NLGN1: variants seen among roughly 807,000 people sequenced by gnomAD.
NLGN1 encodes the protein neuroligin-1.
Under a neutral mutation model 65.5 loss-of-function variants are expected in NLGN1, and 12 were observed. The ratio of observed to expected loss-of-function variants is 0.18; its 90% CI spans 0.12 to 0.30. The LOEUF is 0.30. Ranked by LOEUF, NLGN1 falls within the 10% of genes least tolerant of loss-of-function variation. NLGN1 has a pLI of 1.00. For synonymous variants in NLGN1, 350 were observed against 359.5 expected, an observed-to-expected ratio of 0.97 and a Z score of 0.30; for missense variants, 750 against 1,007.1, an observed-to-expected ratio of 0.74 and a Z score of 3.46.
intron 2 of NLGN1, among the ~76,000 whole-genome samples, chr3:173,468,714 A>G (rs573974595): frequency 3.9e-5 from 6 of 152,122 alleles, no homozygotes; most frequent in Admixed American, 1.3e-4. Flanking sequence ...AAAAGGAAAC[A>G]AAGAGTTCCT....
intron 4 of NLGN1, among the ~76,000 whole-genome samples, chr3:174,095,120 C>G (rs1176911712): frequency 1.3e-5 from 2 of 151,532 alleles, no homozygotes; most frequent in Non-Finnish European, 2.9e-5. Context: ...CATGATGTTT[C>G]TTTATAGTCA....
intron 3 of NLGN1, among the ~76,000 whole-genome samples, chr3:173,719,542 C>T (rs914679563): frequency 3.9e-4 from 60 of 152,252 alleles, no homozygotes; most frequent in African/African-American, 1.4e-3. Context: ...TTAGAGCCTA[C>T]TGGGAGAAGG....
chr3:174,260,579 A>ATATT (rs1219968181), intron 4 of NLGN1, among the ~76,000 whole-genome samples: 1 of 138,804 alleles, frequency 7.2e-6, no homozygotes, highest in African/African-American at 2.7e-5. Flanking sequence ...TAGATTCTGG[A>ATATT]TATTAGCCCT....
At chr3:174,001,938 C>A (rs944777340) in intron 4 of NLGN1, among the ~76,000 whole-genome samples, 5 of 151,364 alleles carry the variant, frequency 3.3e-5, no homozygotes, top group South Asian at 4.2e-4. Context: ...AGCTGCACTT[C>A]GGAAACTCTG....
chr3:174,133,382 A>G (rs1720572594), intron 4 of NLGN1, among the ~76,000 whole-genome samples: 1 of 152,174 alleles, frequency 6.6e-6, no homozygotes, highest in Non-Finnish European at 1.5e-5. Flanking sequence ...AACTCCTCCC[A>G]TTTAATCTTT....
chr3:173,726,320 C>A (rs895913170), intron 3 of NLGN1, among the ~76,000 whole-genome samples: 1 of 151,764 alleles, frequency 6.6e-6, no homozygotes, highest in South Asian at 2.1e-4. Context: ...AAGACATGAG[C>A]ACTATTCTTA....
intron 4 of NLGN1, among the ~76,000 whole-genome samples, chr3:174,103,188 A>G (rs1228534020): frequency 6.6e-6 from 1 of 152,174 alleles, no homozygotes; most frequent in Non-Finnish European, 1.5e-5. Flanking sequence ...TTCTACATAG[A>G]AGTTCCGTGT....
chr3:173,693,743 T>C (rs1167401417), intron 3 of NLGN1, among the ~76,000 whole-genome samples: 1 of 151,970 alleles, frequency 6.6e-6, no homozygotes, highest in Admixed American at 6.6e-5. Flanking sequence ...TTCAGAAGAA[T>C]GAAAAATAAA....
At chr3:173,406,929 G>A (rs1372430253) in intron 1 of NLGN1, among the ~76,000 whole-genome samples, 1 of 151,756 alleles carries the variant, frequency 6.6e-6, no homozygotes, top group South Asian at 2.1e-4. Context: ...TTTTTATTTT[G>A]GCTAGATATT....
intron 3 of NLGN1, among the ~76,000 whole-genome samples, chr3:173,790,504 G>C (rs766910880): frequency 2.6e-5 from 4 of 152,012 alleles, no homozygotes; most frequent in Non-Finnish European, 4.4e-5. Flanking sequence ...ATATTGAATT[G>C]TTACGAAAAT....
At chr3:174,086,187 G>A (rs1251787822) in intron 4 of NLGN1, among the ~76,000 whole-genome samples, 1 of 127,836 alleles carries the variant, frequency 7.8e-6, no homozygotes, top group Non-Finnish European at 1.6e-5. Context: ...ATATATATGT[G>A]TGTGTGTGTG....
intron 4 of NLGN1, among the ~76,000 whole-genome samples, chr3:174,194,187 G>T (rs572429166): frequency 2.6e-5 from 4 of 151,968 alleles, no homozygotes; most frequent in Non-Finnish European, 4.4e-5. Context: ...GGCCAGGCGC[G>T]GTGGCTCACA....
chr3:173,434,576 A>G (rs1341737369), intron 1 of NLGN1, among the ~76,000 whole-genome samples: 2 of 152,170 alleles, frequency 1.3e-5, no homozygotes, highest in African/African-American at 2.4e-5. Flanking sequence ...GTTGGAGACA[A>G]TTGCACTCTC....
chr3:174,188,962 T>G (rs1305881782), intron 4 of NLGN1, among the ~76,000 whole-genome samples: 2 of 152,002 alleles, frequency 1.3e-5, no homozygotes, highest in African/African-American at 2.4e-5. Flanking sequence ...TAGAGTAAGT[T>G]CTTACCATAG....
At chr3:173,476,727 A>G (rs1285319506) in intron 2 of NLGN1, among the ~76,000 whole-genome samples, 1 of 152,190 alleles carries the variant, frequency 6.6e-6, no homozygotes, top group Non-Finnish European at 1.5e-5. Context: ...AGACATTTCC[A>G]TGAAGGGTAA....
intron 3 of NLGN1, among the ~76,000 whole-genome samples, chr3:173,769,932 A>C (rs1200450777): frequency 6.6e-6 from 1 of 152,192 alleles, no homozygotes; most frequent in East Asian, 1.9e-4. Context: ...GAAAAATATC[A>C]GGTGTCCCTG....
chr3:174,276,952 G>A (rs139858376), intron 5 of NLGN1, among the ~76,000 whole-genome samples: 1,842 of 151,858 alleles, frequency 0.012, 27 homozygotes, highest in Non-Finnish European at 0.019. Flanking sequence ...AAAAATTGAC[G>A]TGAAAGCCAC....
At chr3:173,902,191 T>C (rs1052131959) in intron 4 of NLGN1, among the ~76,000 whole-genome samples, 8 of 152,202 alleles carry the variant, frequency 5.3e-5, no homozygotes, top group Admixed American at 2.0e-4. Context: ...TACTTTTTCT[T>C]TACTTTTTCC....
At chr3:173,693,003 G>T (rs749010922) in intron 3 of NLGN1, among the ~76,000 whole-genome samples, 10 of 152,046 alleles carry the variant, frequency 6.6e-5, no homozygotes, top group Non-Finnish European at 1.3e-4. Context: ...TTGCTATTTT[G>T]CATGGTTCAA....
Sources: gnomAD v4.1 joint callset for allele counts (sites outside exome capture counted in the v4.1 genomes callset) on GRCh38, gnomAD v4.1.1 for gene constraint, MANE v1.5 for transcripts, NCBI Gene and HGNC (gene_info 2026-07-23, HGNC 2026-07-21) for gene names.